TRIOBP: variants seen among roughly 807,000 people sequenced by gnomAD.
The protein encoded by TRIOBP is TRIO and F-actin-binding protein.
In TRIOBP, 169 loss-of-function variants were observed where a neutral mutation model predicts 238.8. That is an observed-to-expected ratio of 0.71 (90% confidence interval 0.62 to 0.80). The LOEUF is 0.80. TRIOBP is among the 30% of genes least tolerant of loss of function. The probability of loss-of-function intolerance (pLI) is 0.00; values close to 1 mark genes in which losing one functional copy is unlikely to be tolerated. For missense variants in TRIOBP, 2,838 were observed against 3,122.6 expected (o/e 0.91, Z 2.17); for synonymous variants, 1,150 against 1,274.4 (o/e 0.90, Z 2.08).
intron 12 of TRIOBP, among the ~76,000 whole-genome samples, chr22:37,752,106 G>A (rs774343746): frequency 6.6e-5 from 10 of 152,264 alleles, no homozygotes; most frequent in South Asian, 4.1e-4. Context: ...GAGCCTGGGT[G>A]GGAGTCAAGG....
Position 37,738,701 on chromosome 22 carries a change from C to G in TRIOBP, c.5166C>G (p.Asp1722Glu), listed in dbSNP as rs183189469. The change falls in exon 10 of 24, where the codon GAC (aspartate) becomes GAG (glutamate). Residue 1722 changes from aspartate (D) to glutamate (E), a missense_variant. By Grantham distance (45) the Asp-to-Glu change is conservative. Coordinates refer to ENST00000644935, the MANE Select transcript of TRIOBP (RefSeq NM_001039141.3). ...GCAGAGGCCAAGACCCCCTGACTGA[C>G]CAGAAGCAGGCAGACTCGGTAGCTG... Reference protein sequence around the residue: ...EPSRGQDPLTDQKQADSADKR... With the variant: ...EPSRGQDPLTEQKQADSADKR... The G allele has an allele frequency of 1.1e-4, 184 of 1,613,844 alleles. No individual in the cohort carries two copies. In the African/African-American group the frequency reaches 2.2e-3, roughly 19 times the overall value.
Position 37,742,058 on chromosome 22 carries a change from A to G in TRIOBP, c.5322+1026A>G, listed in dbSNP as rs1416543672. Among the ~76,000 whole-genome samples the G allele has an allele frequency of 2.0e-5, 3 of 151,868 alleles. 1 individual carries two copies. The highest frequency in any genetic ancestry group is 4.2e-4 in the South Asian group (2 of 4,810). Reference sequence around the variant, plus strand: ...CTGCAACCTCTGCCTCCCGGGTCCAAGTGATTCTCCTGCCTCAGCCTCCAG... The same window carrying G: ...CTGCAACCTCTGCCTCCCGGGTCCAGGTGATTCTCCTGCCTCAGCCTCCAG... On this transcript the variant is annotated intron_variant, in intron 11 of 23. Transcript: ENST00000644935.
At chr22:37,707,005 C>T (rs1002953421) in intron 3 of TRIOBP, among the ~76,000 whole-genome samples, 5 of 152,034 alleles carry the variant, frequency 3.3e-5, no homozygotes, top group South Asian at 4.2e-4. Flanking sequence ...CGGTGGCTCA[C>T]GCCTGTAATC....
intron 7 of TRIOBP, among the ~76,000 whole-genome samples, chr22:37,728,669 T>C (rs1303859811): frequency 6.6e-6 from 1 of 152,174 alleles, no homozygotes; most frequent in Non-Finnish European, 1.5e-5. Context: ...TAGATAGGTA[T>C]GCTTGTTTCC....
chr22:37,752,332 C>A (rs1925658594), intron 12 of TRIOBP, among the ~76,000 whole-genome samples: 1 of 152,218 alleles, frequency 6.6e-6, no homozygotes, highest in South Asian at 2.1e-4. Flanking sequence ...ATAACAAGGT[C>A]AGAGAGATCA....
At chr22:37,705,821 C>A (rs1001930791) in intron 3 of TRIOBP, among the ~76,000 whole-genome samples, 26 of 152,132 alleles carry the variant, frequency 1.7e-4, no homozygotes, top group Admixed American at 6.5e-4. Flanking sequence ...AGCAATCTGC[C>A]CTCCTTGGCC....
intron 15 of TRIOBP, 55 bp from the exon 16 acceptor site, chr22:37,757,558 A>G (rs374055706): frequency 6.5e-7 from 1 of 1,541,734 alleles, no homozygotes; most frequent in South Asian, 1.2e-5. Flanking sequence ...AAAAGTGCTC[A>G]TTGTGGGACT....
At chr22:37,749,327 C>T (rs1365366951) in intron 11 of TRIOBP, among the ~76,000 whole-genome samples, 1 of 152,084 alleles carries the variant, frequency 6.6e-6, no homozygotes, top group Admixed American at 6.6e-5. Context: ...TGCACTCCAG[C>T]CTGGGCAGCA....
chr22:37,726,340 A>G lies in TRIOBP; in HGVS notation c.3784A>G (p.Arg1262Gly). ...GGGCTCAGCGCCTCCCGGGGAGACC[A>G]GGCACAACTTGGAGCGGGAGGAGTA... Reference protein sequence around the residue: ...SRGSAPPGETRHNLEREEYTV... With the variant: ...SRGSAPPGETGHNLEREEYTV... Residue 1262 changes from arginine (R) to glycine (G), a missense_variant, in exon 7 of 24, where the codon AGG becomes GGG. Physicochemically the swap from Arg to Gly is moderately radical, Grantham distance 125. Coordinates refer to ENST00000644935, the MANE Select transcript of TRIOBP (RefSeq NM_001039141.3). The G allele has an allele frequency of 6.2e-7, 1 of 1,611,206 alleles. No individual in the cohort carries two copies.
intron 16 of TRIOBP, among the ~76,000 whole-genome samples, chr22:37,758,446 G>C (rs1437772151): frequency 6.6e-6 from 1 of 152,188 alleles, no homozygotes; most frequent in Non-Finnish European, 1.5e-5. Flanking sequence ...AGGCCAAGGT[G>C]GGAGGGTCCC....
intron 17 of TRIOBP, 141 bp downstream of exon 17, chr22:37,759,405 C>G (rs1926123065): frequency 7.9e-7 from 1 of 1,272,202 alleles, no homozygotes; most frequent in Admixed American, 1.7e-5. Context: ...ATCTCATTTA[C>G]TCTCCCCACA....
chr22:37,734,100 T>C (rs1204587807), intron 8 of TRIOBP, among the ~76,000 whole-genome samples: 2 of 152,164 alleles, frequency 1.3e-5, no homozygotes, highest in Non-Finnish European at 2.9e-5. Context: ...GAATGGGGTA[T>C]TGGTGGTGGA....
chr22:37,723,410 C>A lies in TRIOBP; in HGVS notation c.854C>A (p.Thr285Asn). Residue 285 changes from threonine (T) to asparagine (N), a missense_variant, in exon 7 of 24, where the codon ACC becomes AAC. Coordinates refer to ENST00000644935, the MANE Select transcript of TRIOBP (RefSeq NM_001039141.3). ...IPRASSPHRI[T>N]QRDTSRASST... is the part of the protein sequence containing the mutation. ...AGAGCCTCCTCTCCCCATCGAATCA[C>A]CCAAAGGGACACCTCCAGGGCCTCA... The A allele has an allele frequency of 6.2e-7, 1 of 1,613,904 alleles. No individual in the cohort carries two copies. Among genetic ancestry groups the A allele is most frequent in the Non-Finnish European group, 8.5e-7 (1 of 1,179,956 alleles).
Position 37,723,977 on chromosome 22 carries a change from G to A in TRIOBP, c.1421G>A (p.Arg474Gln). 1 of 1,569,170 alleles carries A rather than the reference G, an allele frequency of 6.4e-7. No homozygotes were observed. Among genetic ancestry groups the A allele is most frequent in the Non-Finnish European group, 8.6e-7 (1 of 1,162,020 alleles). The change falls in exon 7 of 24, where the codon CGA becomes CAA. Residue 474 changes from arginine (R) to glutamine (Q), a missense_variant. Around this residue, in one of 5 missense-constraint regions of TRIOBP, gnomAD observed 14 missense variants for 198.4 expected, o/e 0.07. Transcript: ENST00000644935. ...SRTSSPNRAT[R>Q]DNPRTSCAQR... ...ACCTCCTCTCCCAATAGAGCCACAC[G>A]AGACAACCCCAGAACATCCTGTGCC...
intron 11 of TRIOBP, chr22:37,746,169 G>T (rs1368942212): frequency 2.0e-5 from 21 of 1,024,666 alleles, no homozygotes; most frequent in Admixed American, 6.1e-5. Flanking sequence ...GTTTGTCTCG[G>T]CTTCCCCGCC....
rs762325118 is a variant in TRIOBP, at chr22:37,713,184, C to T, written c.255-26C>T. The T allele has an allele frequency of 1.9e-6, 3 of 1,602,328 alleles. No individual in the cohort carries two copies. In the East Asian group the frequency reaches 6.8e-5, roughly 36 times the overall value. ...GGGGGATGCTCCTAACTCCCCATTA[C>T]TTTTTGGGTCTGTCTCCTCTCCCAG... On this transcript the variant is annotated intron_variant, in intron 4 of 23. Coordinates refer to ENST00000644935, the MANE Select transcript of TRIOBP (RefSeq NM_001039141.3).
At chr22:37,767,941 C>T in intron 18 of TRIOBP, 133 bp from the exon 19 acceptor site, 2 of 756,534 alleles carry the variant, frequency 2.6e-6, no homozygotes, top group South Asian at 1.5e-5. Context: ...TGGTCCAAGT[C>T]CATAGTACTT....
Position 37,759,323 on chromosome 22 carries a change from C to T in TRIOBP, c.6324+59C>T, listed in dbSNP as rs545805647. 8 of 1,536,618 alleles carry T rather than the reference C, an allele frequency of 5.2e-6. No individual in the cohort carries two copies. The East Asian group carries it at 6.7e-5, about 13-fold the overall frequency. On this transcript the variant is annotated intron_variant, in intron 17 of 23. Coordinates refer to ENST00000644935, the MANE Select transcript of TRIOBP (RefSeq NM_001039141.3). ...GGCAGATTTCTGCTTGCCGTGTTAT[C>T]AGGAAACAGCTGAGATTTTGGGAGC...
intron 5 of TRIOBP, among the ~76,000 whole-genome samples, chr22:37,715,092 G>A (rs575646836): frequency 1.3e-5 from 2 of 152,250 alleles, no homozygotes; most frequent in East Asian, 1.9e-4. Context: ...TCAGCTCACT[G>A]CAACCTCTGT....
Sources: allele counts gnomAD v4.1 joint callset (sites outside exome capture counted in the v4.1 genomes callset), GRCh38; gene constraint gnomAD v4.1.1; regional missense constraint gnomAD v4.1.1; transcripts MANE v1.5; gene names NCBI Gene and HGNC (gene_info 2026-07-23, HGNC 2026-07-21).